GRIK4: variants seen among roughly 807,000 people sequenced by gnomAD.
The protein encoded by GRIK4 is glutamate receptor ionotropic, kainate 4.
A neutral mutation model predicts 104.9 loss-of-function variants in GRIK4; 40 were observed. That is an observed-to-expected ratio of 0.38 (90% CI 0.30 to 0.50). GRIK4 has a LOEUF of 0.50. GRIK4 is among the 20% of genes least tolerant of loss of function. GRIK4 has a pLI of 0.93. For missense variants in GRIK4, 1,047 were observed against 1,308.1 expected (o/e 0.80, Z 3.08); for synonymous variants, 485 against 524.9 (o/e 0.92, Z 1.04).
chr11:120,955,506 G>A (rs1030432953), intron 15 of GRIK4, among the ~76,000 whole-genome samples: 3 of 152,336 alleles, frequency 2.0e-5, no homozygotes, highest in East Asian at 1.9e-4. Flanking sequence ...AGTTTCTCTC[G>A]TCAGAGCTGG....
intron 1 of GRIK4, among the ~76,000 whole-genome samples, chr11:120,629,799 C>T (rs1488792886): frequency 1.3e-5 from 2 of 152,196 alleles, no homozygotes; most frequent in Admixed American, 6.5e-5. Flanking sequence ...TGGCCTTTTG[C>T]TAGGAGAGGG....
chr11:120,729,878 A>G (rs1439165562), intron 3 of GRIK4, among the ~76,000 whole-genome samples: 1 of 152,160 alleles, frequency 6.6e-6, no homozygotes, highest in Non-Finnish European at 1.5e-5. Flanking sequence ...GTTTTCTTGT[A>G]GTAGTTTCAT....
At chr11:120,527,569 G>A (rs550005413) in intron 1 of GRIK4, among the ~76,000 whole-genome samples, 5 of 152,256 alleles carry the variant, frequency 3.3e-5, no homozygotes, top group African/African-American at 7.2e-5. Flanking sequence ...CCAGACACTC[G>A]CACCTGCATC....
intron 11 of GRIK4, chr11:120,894,847 A>G (rs1942532054): frequency 6.6e-6 from 1 of 152,196 alleles, no homozygotes; most frequent in Non-Finnish European, 1.5e-5. Context: ...TGGGTGGGGC[A>G]ATTAGCCTGT....
chr11:120,714,830 C>T (rs563363392), intron 3 of GRIK4, among the ~76,000 whole-genome samples: 24 of 152,230 alleles, frequency 1.6e-4, no homozygotes, highest in African/African-American at 5.5e-4. Context: ...AGGTAGGAAG[C>T]GGTCAGATCA....
In GRIK4 at chr11:120,623,803, A is replaced by C. The variant is rs569105260; in HGVS notation, c.-158-29882A>C. Among the ~76,000 whole-genome samples, 4 of 152,250 alleles carry C rather than the reference A, an allele frequency of 2.6e-5. No homozygotes were observed. In the East Asian group the frequency reaches 7.7e-4, roughly 29 times the overall value. On this transcript the variant is annotated intron_variant, in intron 1 of 20. Coordinates refer to ENST00000527524, the MANE Select transcript of GRIK4 (RefSeq NM_014619.5). ...CACGTGTTCATCCACTGGCTCCTCC[A>C]TGGTGGCAGGATGGGGTCTGCACAC...
intron 13 of GRIK4, among the ~76,000 whole-genome samples, chr11:120,933,204 C>G (rs758017070): frequency 1.3e-5 from 2 of 152,242 alleles, no homozygotes; most frequent in African/African-American, 4.8e-5. Context: ...CCGGGAAAGG[C>G]CGCAGGGGCC....
intron 9 of GRIK4, 36 bp from the exon 10 acceptor site, chr11:120,874,030 A>G: frequency 6.4e-7 from 1 of 1,562,206 alleles, no homozygotes; most frequent in Non-Finnish European, 8.7e-7. Flanking sequence ...TACACCTCTC[A>G]CTCCCTCCCT....
chr11:120,846,822 C>T (rs1311076115), intron 8 of GRIK4, among the ~76,000 whole-genome samples: 1 of 152,136 alleles, frequency 6.6e-6, no homozygotes, highest in Non-Finnish European at 1.5e-5. Flanking sequence ...AATGAACAAC[C>T]AGATGAATTC....
intron 3 of GRIK4, among the ~76,000 whole-genome samples, chr11:120,720,992 T>TTCATTCATTCATTCATTCA (rs1157914289): frequency 6.6e-6 from 1 of 152,114 alleles, no homozygotes; most frequent in Non-Finnish European, 1.5e-5. Context: ...CATTCATTCA[T>TTCATTCATTCATTCATTCA]TCATTCATTC....
At chr11:120,787,538 C>T (rs1200417628) in intron 3 of GRIK4, among the ~76,000 whole-genome samples, 4 of 151,448 alleles carry the variant, frequency 2.6e-5, no homozygotes, top group Admixed American at 6.6e-5. Flanking sequence ...GATCTCGGCT[C>T]GCTGCAACCT....
intron 1 of GRIK4, among the ~76,000 whole-genome samples, chr11:120,579,351 AGTTC>A (rs1948534785): frequency 6.6e-6 from 1 of 152,132 alleles, no homozygotes; most frequent in African/African-American, 2.4e-5. Context: ...AGCCACACAG[AGTTC>A]AGGGCAGAGC....
intron 5 of GRIK4, among the ~76,000 whole-genome samples, chr11:120,818,701 G>A (rs1953025474): frequency 6.6e-6 from 1 of 152,182 alleles, no homozygotes; most frequent in African/African-American, 2.4e-5. Flanking sequence ...CATCTTCGCA[G>A]ACTCTTGGCA....
intron 3 of GRIK4, among the ~76,000 whole-genome samples, chr11:120,755,971 A>C (rs1172002126): frequency 6.6e-6 from 1 of 152,196 alleles, no homozygotes. Flanking sequence ...TTTTGAGATT[A>C]GGATTAGGAC....
At chr11:120,778,267 T>C (rs1952081925) in intron 3 of GRIK4, among the ~76,000 whole-genome samples, 2 of 152,328 alleles carry the variant, frequency 1.3e-5, no homozygotes, top group African/African-American at 4.8e-5. Flanking sequence ...TTTTGATGTG[T>C]AGGAGTTGAA....
At chr11:120,529,870 C>G (rs181552071) in intron 1 of GRIK4, among the ~76,000 whole-genome samples, 7 of 152,342 alleles carry the variant, frequency 4.6e-5, no homozygotes, top group Admixed American at 4.6e-4. Context: ...TGCTGTTGAC[C>G]TGTTTTATAG....
chr11:120,574,076 A>C (rs1291402851), intron 1 of GRIK4, among the ~76,000 whole-genome samples: 1 of 152,182 alleles, frequency 6.6e-6, no homozygotes, highest in Non-Finnish European at 1.5e-5. Flanking sequence ...CACCCGATGA[A>C]AGGTAGTATT....
At chr11:120,519,182 A>G (rs1167015757) in intron 1 of GRIK4, among the ~76,000 whole-genome samples, 1 of 152,218 alleles carries the variant, frequency 6.6e-6, no homozygotes, top group Non-Finnish European at 1.5e-5. Flanking sequence ...ATAATAGCTA[A>G]TAAGTATTCA....
chr11:120,753,541 G>A (rs1289759546), intron 3 of GRIK4, among the ~76,000 whole-genome samples: 2 of 152,102 alleles, frequency 1.3e-5, no homozygotes, highest in Non-Finnish European at 2.9e-5. Context: ...TTAGGAGACT[G>A]TTTCCCTGAT....
Sources: allele counts gnomAD v4.1 joint callset (sites outside exome capture counted in the v4.1 genomes callset), GRCh38; gene constraint gnomAD v4.1.1; transcripts MANE v1.5; gene names NCBI Gene and HGNC (gene_info 2026-07-23, HGNC 2026-07-21).